Variants in BICRA observed in about 807,000 individuals in gnomAD.
BICRA encodes the protein BRD4-interacting chromatin-remodeling complex-associated protein.
A neutral mutation model predicts 96.9 loss-of-function variants in BICRA; 31 were observed. The observed-to-expected ratio is 0.32, with a 90% CI of 0.24 to 0.43. The LOEUF (loss-of-function observed/expected upper bound fraction) is 0.43, where lower values mean the gene tolerates loss of function less well. Ranked by LOEUF, BICRA falls within the 20% of genes least tolerant of loss-of-function variation. The pLI is 1.00. For missense variants in BICRA, 2,283 were observed against 2,190.3 expected (o/e 1.04, Z -0.84); for synonymous variants, 1,350 against 1,071.8 (o/e 1.26, Z -5.07).
intron 1 of BICRA, among the ~76,000 whole-genome samples, chr19:47,630,709 T>C (rs7252467): frequency 0.3 from 44,969 of 152,014 alleles, 6,862 homozygotes; most frequent in Non-Finnish European, 0.33. Flanking sequence ...GTGAACGACG[T>C]TGCTGTGAAC....
At chr19:47,678,522 C>T (rs888379432) in intron 5 of BICRA, among the ~76,000 whole-genome samples, 4 of 152,150 alleles carry the variant, frequency 2.6e-5, no homozygotes, top group African/African-American at 7.2e-5. Flanking sequence ...CGTTGGGCGC[C>T]GGGACCAGTG....
Position 47,675,748 on chromosome 19 carries a change from A to G in BICRA, c.85-103A>G. On this transcript the variant is annotated intron_variant, in intron 4 of 14. Coordinates refer to ENST00000594866, the MANE Select transcript of BICRA (RefSeq NM_001394372.1). The surrounding 1 kb of genome is among the most constrained non-coding windows in gnomAD (Gnocchi z 4.7). ...ATACCCCCAGCCCTCTCCCATCCCA[A>G]CCCTTGTCTTTTTGTCCTGAGTGAC... is the stretch of plus-strand genomic sequence containing the variant. The G allele has an allele frequency of 1.1e-6, 1 of 876,890 alleles. No individual in the cohort carries two copies. The highest frequency in any genetic ancestry group is 1.9e-6 in the Non-Finnish European group (1 of 531,770). 54.3% of individuals were successfully genotyped at this position (876,890 alleles called of 1,614,324 possible). A position where few individuals can be genotyped will look rare whatever the true frequency, so the allele number is the denominator to read the frequency against.
At chr19:47,609,040 C>A, upstream of BICRA, 1 of 146,816 alleles carries the variant, frequency 6.8e-6, no homozygotes, top group South Asian at 1.9e-4. Context: ...CAGCGGCTGC[C>A]GAGCGGCCGC....
intron 1 of BICRA, among the ~76,000 whole-genome samples, chr19:47,647,937 G>T (rs182585780): frequency 6.6e-6 from 1 of 151,812 alleles, no homozygotes; most frequent in East Asian, 1.9e-4. Flanking sequence ...TGGCATTTGG[G>T]GTTGTTTATT....
intron 1 of BICRA, among the ~76,000 whole-genome samples, chr19:47,610,081 G>A (rs1971878045): frequency 1.3e-5 from 2 of 152,220 alleles, no homozygotes; most frequent in Admixed American, 1.3e-4. Context: ...GCGCTCGGGT[G>A]GTGACCTTTA....
Position 47,680,248 on chromosome 19 carries a change from C to CCGCCCAAGCTCTACCAGCTGA in BICRA, c.1088_1108dup (p.Leu363_Lys369dup). 1.3e-6 allele frequency: 2 copies of CCGCCCAAGCTCTACCAGCTGA among 1,561,468 alleles called. No individual in the cohort carries two copies. The highest frequency in any genetic ancestry group is 2.3e-5 in the South Asian group (2 of 86,140). On this transcript the variant is annotated inframe_insertion, in exon 6 of 15. Transcript: ENST00000594866. ...CCAGCCCAAGCCCGCGGGGGTGCTG[C>CCGCCCAAGCTCTACCAGCTGA]CGCCCAAGCTCTACCAGCTGACGCC...
chr19:47,620,676 A>AAAAAC (rs1555784134), intron 1 of BICRA, among the ~76,000 whole-genome samples: 2 of 150,654 alleles, frequency 1.3e-5, no homozygotes, highest in African/African-American at 4.9e-5. Context: ...TCAAAAAAAA[A>AAAAAC]AAAAAAAAAA....
chr19:47,681,388 G>T (rs1228775901), intron 6 of BICRA, 112 bp downstream of exon 6: 2 of 941,700 alleles, frequency 2.1e-6, no homozygotes, highest in Non-Finnish European at 3.2e-6. Context: ...TGGCAGCTGG[G>T]GGGGGAAGGT....
At chr19:47,695,557 C>T (rs1281626210) in intron 10 of BICRA, 83 bp downstream of exon 10, 5 of 703,406 alleles carry the variant, frequency 7.1e-6, no homozygotes, top group Non-Finnish European at 1.3e-5. Flanking sequence ...GGCAGGGAGA[C>T]ACTGGAAGAC....
Position 47,698,591 on chromosome 19 carries a change from C to CT in BICRA, c.3249-43_3249-42insT. 1.1e-6 allele frequency: 1 copy of CT among 878,074 alleles called. No homozygotes were observed. Among genetic ancestry groups the CT allele is most frequent in the Non-Finnish European group, 1.9e-6 (1 of 521,924 alleles). 54.4% of individuals were successfully genotyped at this position (878,074 alleles called of 1,614,324 possible). A position where few individuals can be genotyped will look rare whatever the true frequency, so the allele number is the denominator to read the frequency against. On this transcript the variant is annotated intron_variant, in intron 11 of 14. Transcript: ENST00000594866. This position sits in a 1 kb window ranked among gnomAD's most constrained non-coding sequence, Gnocchi z 4.8. ...CTTCCCCTGGCCCTCACCCGTCCCC[C>CT]CCACCCTCCGCCGTGTGTGGTCTCT...
In BICRA at chr19:47,680,244, G is replaced by A; in HGVS notation, c.1074G>A (p.Val358=). Residue 358 remains valine (V), a synonymous_variant, in exon 6 of 15, where the codon GTG becomes GTA. Coordinates refer to ENST00000594866, the MANE Select transcript of BICRA (RefSeq NM_001394372.1). ...PTPIQPKPAG[V]LPPKLYQLTP... ...CCATCCAGCCCAAGCCCGCGGGGGTGCTGCCGCCCAAGCTCTACCAGCTGA... is the reference window on the plus strand; with the variant it reads ...CCATCCAGCCCAAGCCCGCGGGGGTACTGCCGCCCAAGCTCTACCAGCTGA... 1 of 1,561,260 alleles carries A rather than the reference G, an allele frequency of 6.4e-7. No individual in the cohort carries two copies. The highest frequency in any genetic ancestry group is 8.6e-7 in the Non-Finnish European group (1 of 1,162,534).
chr19:47,681,847 G>A lies in BICRA; in HGVS notation c.2107-129G>A, dbSNP rs564185191. The A allele has an allele frequency of 1.1e-4, 77 of 683,046 alleles. No individual in the cohort carries two copies. The African/African-American group carries it at 1.3e-3, about 11-fold the overall frequency. 42.3% of individuals were successfully genotyped at this position (683,046 alleles called of 1,614,324 possible). A position where few individuals can be genotyped will look rare whatever the true frequency, so the allele number is the denominator to read the frequency against. On this transcript the variant is annotated intron_variant, in intron 6 of 14. Transcript: ENST00000594866. Reference sequence around the variant, plus strand: ...TTTCGGCCTCTGTGCCTGGCACCCTGCCTGCCAGGCTGCCCACTACCCCAT... The same window carrying A: ...TTTCGGCCTCTGTGCCTGGCACCCTACCTGCCAGGCTGCCCACTACCCCAT...
chr19:47,698,905 C>A lies in BICRA; in HGVS notation c.3398-60C>A. Reference sequence around the variant, plus strand: ...ATGCTGACCCTGCCCCGCCCTCCTTCCTGCGCATCCGCGGCCGCCCCCAAC... The same window carrying A: ...ATGCTGACCCTGCCCCGCCCTCCTTACTGCGCATCCGCGGCCGCCCCCAAC... On this transcript the variant is annotated intron_variant, in intron 12 of 14. Transcript: ENST00000594866. The surrounding 1 kb of genome is among the most constrained non-coding windows in gnomAD (Gnocchi z 4.8). The A allele has an allele frequency of 7.1e-7, 1 of 1,399,822 alleles. No homozygotes were observed. Among genetic ancestry groups the A allele is most frequent in the African/African-American group, 1.4e-5 (1 of 70,270 alleles). 86.7% of individuals were successfully genotyped at this position (1,399,822 alleles called of 1,614,324 possible). A position where few individuals can be genotyped will look rare whatever the true frequency, so the allele number is the denominator to read the frequency against.
At chr19:47,627,200 A>G (rs1452505006) in intron 1 of BICRA, among the ~76,000 whole-genome samples, 1 of 152,002 alleles carries the variant, frequency 6.6e-6, no homozygotes, top group Non-Finnish European at 1.5e-5. Flanking sequence ...CTTTAACATA[A>G]TCATGGCCAC....
chr19:47,676,598 T>TC (rs532326029), intron 5 of BICRA, among the ~76,000 whole-genome samples: 5 of 74,972 alleles, frequency 6.7e-5, no homozygotes, highest in South Asian at 6.4e-4. Context: ...CCTTCCTCCT[T>TC]CCCCCCCTCA....
intron 7 of BICRA, 37 bp downstream of exon 7, chr19:47,682,189 A>C (rs765973448): frequency 2.1e-6 from 2 of 971,760 alleles, no homozygotes; most frequent in South Asian, 3.2e-5. Context: ...CGCAGCACAG[A>C]CCCAGCCTCG....
chr19:47,609,729 C>G (rs1426519818), intron 1 of BICRA, among the ~76,000 whole-genome samples: 1 of 151,996 alleles, frequency 6.6e-6, no homozygotes, highest in African/African-American at 2.4e-5. Flanking sequence ...CATCTCCCCG[C>G]CTCGCTCGGC....
Position 47,680,334 on chromosome 19 carries a change from G to C in BICRA, c.1164G>C (p.Pro388=). Reference sequence around the variant, plus strand: ...TCCAGGGCGAGCCGGGGGCGCTCCCGCAGCAGCCCAAGGCCCCGCAGAACC... The same window carrying C: ...TCCAGGGCGAGCCGGGGGCGCTCCCCCAGCAGCCCAAGGCCCCGCAGAACC... ...LTIQGEPGAL[P]QQPKAPQNLT... is the part of the protein sequence containing the mutation. The change falls in exon 6 of 15, where the codon CCG becomes CCC. Residue 388 remains proline (P), a synonymous_variant. Transcript: ENST00000594866. 2.6e-6 allele frequency: 4 copies of C among 1,535,410 alleles called. No individual in the cohort carries two copies. The highest frequency in any genetic ancestry group is 3.5e-6 in the Non-Finnish European group (4 of 1,147,324).
At position 47,694,208 on chromosome 19, in the gene BICRA, T is replaced by A; in HGVS notation, c.2377T>A (p.Ser793Thr). 8.7e-5 allele frequency: 40 copies of A among 461,698 alleles called. No homozygotes were observed. The highest frequency in any genetic ancestry group is 1.0e-4 in the Non-Finnish European group (38 of 381,894). The allele number at this position is 461,698 out of a possible 1,614,324, so 28.6% of individuals were successfully genotyped here. ...TCTGGGGGACAGCCCCCACCTGCCC[T>A]CCCCACACCCCACCCGGCCCCCTTC... ...APLGDSPHLP[S>T]PHPTRPPSRP... The change falls in exon 8 of 15, where the codon TCC becomes ACC. Residue 793 changes from serine to threonine, a missense_variant. By Grantham distance (58) the Ser-to-Thr change is moderately conservative (BLOSUM62 1). Coordinates refer to ENST00000594866, the MANE Select transcript of BICRA (RefSeq NM_001394372.1).
Sources: allele counts gnomAD v4.1 joint callset (sites outside exome capture counted in the v4.1 genomes callset), GRCh38; gene constraint gnomAD v4.1.1; non-coding constraint Gnocchi (gnomAD v3.1); transcripts MANE v1.5; gene names NCBI Gene and HGNC (gene_info 2026-07-23, HGNC 2026-07-21).